Variants in TEX14 observed in about 807,000 individuals in gnomAD.
TEX14 encodes the protein inactive serine/threonine-protein kinase TEX14.
Under a neutral mutation model 178.6 loss-of-function variants are expected in TEX14, and 168 were observed. That is an observed-to-expected ratio of 0.94 (90% CI 0.83 to 1.07). The LOEUF (loss-of-function observed/expected upper bound fraction) is 1.07. Among genes scored for constraint, TEX14 ranks in the 50% least tolerant of loss-of-function variants. The pLI, the probability that TEX14 is intolerant of heterozygous loss-of-function variation, is 0.00. For synonymous variants in TEX14, 626 were observed against 634.1 expected (o/e 0.99, Z 0.19); for missense variants, 1,730 against 1,753.6 (o/e 0.99, Z 0.24).
At chr17:58,689,642 C>T (rs1284387640) in intron 1 of TEX14, among the ~76,000 whole-genome samples, 1 of 152,210 alleles carries the variant, frequency 6.6e-6, no homozygotes, top group East Asian at 1.9e-4. Context: ...TCATTTAACT[C>T]TTCCCTCCCT....
At chr17:58,616,025 A>G (rs1407155568) in intron 7 of TEX14, 150 bp downstream of exon 7, 2 of 854,554 alleles carry the variant, frequency 2.3e-6, no homozygotes, top group African/African-American at 1.7e-5. Flanking sequence ...AAATGGTAAT[A>G]GTGTCCTGGC....
chr17:58,593,516 A>G (rs1339776017), intron 15 of TEX14, 39 bp downstream of exon 15: 6 of 1,467,486 alleles, frequency 4.1e-6, no homozygotes, highest in South Asian at 3.4e-5. Context: ...AGAAGTCTAA[A>G]GGCATAGTGA....
chr17:58,664,051 A>G (rs1412918051), intron 1 of TEX14, among the ~76,000 whole-genome samples: 1 of 152,162 alleles, frequency 6.6e-6, no homozygotes. Context: ...CAGCAACAAC[A>G]AAAAAACAAC....
chr17:58,571,240 T>C (rs1371017504), intron 24 of TEX14, among the ~76,000 whole-genome samples: 1 of 148,482 alleles, frequency 6.7e-6, no homozygotes, highest in Non-Finnish European at 1.5e-5. Flanking sequence ...CTTTTCTTTT[T>C]TTTTTTTTTT....
chr17:58,597,597 C>A (rs189823370), intron 14 of TEX14, among the ~76,000 whole-genome samples: 3 of 152,074 alleles, frequency 2.0e-5, no homozygotes, highest in African/African-American at 4.8e-5. Context: ...CATCTCTGGG[C>A]CTCAGGAAGT....
At chr17:58,565,538 A>T (rs1252250878) in intron 27 of TEX14, among the ~76,000 whole-genome samples, 1 of 152,232 alleles carries the variant, frequency 6.6e-6, no homozygotes, top group Non-Finnish European at 1.5e-5. Flanking sequence ...TATGTACTTC[A>T]TGAGACAGAA....
intron 2 of TEX14, among the ~76,000 whole-genome samples, chr17:58,640,714 G>A (rs775368266): frequency 7.3e-5 from 11 of 151,408 alleles, no homozygotes; most frequent in Non-Finnish European, 1.5e-4. Context: ...ACAGAGAGAC[G>A]TGGTGGCTAT....
chr17:58,595,087 A>G (rs1325637126), intron 14 of TEX14, among the ~76,000 whole-genome samples: 1 of 152,224 alleles, frequency 6.6e-6, no homozygotes, highest in Non-Finnish European at 1.5e-5. Flanking sequence ...ACAGGTGTTC[A>G]GAAAAATACC....
At chr17:58,649,165 C>T (rs575491171) in intron 2 of TEX14, among the ~76,000 whole-genome samples, 9 of 151,276 alleles carry the variant, frequency 5.9e-5, no homozygotes, top group African/African-American at 1.9e-4. Context: ...CGGCAACCTC[C>T]GCCTCCCAGG....
intron 30 of TEX14, among the ~76,000 whole-genome samples, chr17:58,558,869 C>T (rs1399149958): frequency 6.6e-6 from 1 of 152,024 alleles, no homozygotes; most frequent in East Asian, 1.9e-4. Flanking sequence ...AGACGTTGGA[C>T]AATTAGAAGC....
intron 14 of TEX14, among the ~76,000 whole-genome samples, chr17:58,598,367 T>C (rs1368609095): frequency 6.6e-6 from 1 of 151,504 alleles, no homozygotes; most frequent in East Asian, 1.9e-4. Context: ...TCTGGCTCTA[T>C]AGCTGTTTGT....
intron 1 of TEX14, chr17:58,659,296 A>G (rs1598426104): frequency 3.1e-6 from 3 of 967,266 alleles, no homozygotes; most frequent in Admixed American, 6.2e-5. Context: ...CTCCCCCGCC[A>G]CAAAGACATT....
intron 14 of TEX14, 107 bp downstream of exon 14, chr17:58,598,769 G>T: frequency 9.0e-7 from 1 of 1,108,930 alleles, no homozygotes; most frequent in Non-Finnish European, 1.3e-6. Flanking sequence ...GCTTATCTCT[G>T]ACTGATCCCC....
intron 2 of TEX14, among the ~76,000 whole-genome samples, chr17:58,641,488 T>TTTA (rs373086043): frequency 0.43 from 61,941 of 143,358 alleles, 13,649 homozygotes; most frequent in East Asian, 0.7. Context: ...TTCTCTTTTA[T>TTTA]TTATTATTAT....
chr17:58,662,917 A>G (rs183506846), intron 1 of TEX14, among the ~76,000 whole-genome samples: 123 of 151,762 alleles, frequency 8.1e-4, no homozygotes, highest in Non-Finnish European at 1.3e-3. Context: ...CAGGAGATCG[A>G]GACCATGGTG....
chr17:58,584,617 AG>A lies in TEX14; in HGVS notation c.3071-18del. 1.3e-6 allele frequency: 2 copies of A among 1,584,930 alleles called. No homozygotes were observed. Among genetic ancestry groups the A allele is most frequent in the Non-Finnish European group, 8.7e-7 (1 of 1,153,390 alleles). ...GCCTGATACCTAATGATTGTAACACAGTCAGGGTCAAAGTCATTCAGTGATA... is the reference window on the plus strand; with the variant it reads ...GCCTGATACCTAATGATTGTAACACATCAGGGTCAAAGTCATTCAGTGATA... On this transcript the variant is annotated intron_variant, in intron 18 of 31. Coordinates refer to ENST00000349033, the MANE Select transcript of TEX14 (RefSeq NM_031272.5).
intron 31 of TEX14, among the ~76,000 whole-genome samples, chr17:58,557,331 C>T (rs2044159631): frequency 6.6e-6 from 1 of 151,172 alleles, no homozygotes; most frequent in South Asian, 2.1e-4. Context: ...AGTGCAATGG[C>T]GCGACCTCGG....
Position 58,602,605 on chromosome 17 carries a change from T to A in TEX14, c.1337-15A>T, listed in dbSNP as rs2045482115. On this transcript the variant is annotated splice_polypyrimidine_tract_variant and intron_variant, in intron 11 of 31. Transcript: ENST00000349033. ...GGGTATGTCATCTGTAAGGAAAAAG[T>A]CATACAAAAGAGTAAATTAGGAAAC... is the stretch of plus-strand genomic sequence containing the variant. 6.3e-7 allele frequency: 1 copy of A among 1,598,108 alleles called. No individual in the cohort carries two copies. Among genetic ancestry groups the A allele is most frequent in the African/African-American group, 1.4e-5 (1 of 74,036 alleles).
intron 9 of TEX14, among the ~76,000 whole-genome samples, chr17:58,612,026 G>GA (rs1440760594): frequency 1.3e-5 from 2 of 152,036 alleles, no homozygotes; most frequent in Non-Finnish European, 2.9e-5. Flanking sequence ...AGTCATGGAG[G>GA]AAAAAAACCT....
Sources: gnomAD v4.1 joint callset for allele counts (sites outside exome capture counted in the v4.1 genomes callset) on GRCh38, gnomAD v4.1.1 for gene constraint, MANE v1.5 for transcripts, NCBI Gene and HGNC (gene_info 2026-07-23, HGNC 2026-07-21) for gene names.